Variants in GTF3C1 observed in about 807,000 individuals in gnomAD.
GTF3C1 encodes the protein general transcription factor IIIC subunit 1, also known as general transcription factor 3C polypeptide 1.
Under a neutral mutation model 226.7 loss-of-function variants are expected in GTF3C1, and 57 were observed. The observed-to-expected ratio is 0.25, with a 90% CI of 0.20 to 0.31. The LOEUF is 0.31. Among genes scored for constraint, GTF3C1 ranks in the 10% least tolerant of loss-of-function variants. The probability of loss-of-function intolerance (pLI) is 1.00; values close to 1 mark genes in which losing one functional copy is unlikely to be tolerated. For synonymous variants in GTF3C1, 1,090 were observed against 1,084.8 expected (o/e 1.00, Z -0.09); for missense variants, 2,217 against 2,776.1 (o/e 0.80, Z 4.53).
chr16:27,502,850 G>A lies in GTF3C1; in HGVS notation c.1907+9C>T, dbSNP rs1567400844. 1.9e-6 allele frequency: 3 copies of A among 1,558,838 alleles called. No individual in the cohort carries two copies. The East Asian group carries it at 7.2e-5, about 37-fold the overall frequency. On this transcript the variant is annotated intron_variant, in intron 11 of 36. Coordinates refer to ENST00000356183, the MANE Select transcript of GTF3C1 (RefSeq NM_001520.4). ...CAGCAGACAGACAGACAGACAGACA[G>A]CTCCTTACGTGAATAAACTCTCGAT...
At position 27,499,284 on chromosome 16, in the gene GTF3C1, A is replaced by C. The variant is rs141932290; in HGVS notation, c.2062-551T>G. ...CCGAGCTACTGAAGCTCAACAGTTAAGGTGGTTATCATTTCATGAGAGATA... is the reference window on the plus strand; with the variant it reads ...CCGAGCTACTGAAGCTCAACAGTTACGGTGGTTATCATTTCATGAGAGATA... On this transcript the variant is annotated intron_variant, in intron 12 of 36. Transcript: ENST00000356183. Among the ~76,000 whole-genome samples, 3 of 152,378 alleles carry C rather than the reference A, an allele frequency of 2.0e-5. No individual in the cohort carries two copies. The East Asian group carries it at 5.8e-4, about 29-fold the overall frequency.
At position 27,492,762 on chromosome 16, in the gene GTF3C1, C is replaced by T. The variant is rs374650564; in HGVS notation, c.2877-49G>A. 9.8e-6 allele frequency: 10 copies of T among 1,021,890 alleles called. No individual in the cohort carries two copies. The highest frequency in any genetic ancestry group is 7.8e-5 in the African/African-American group (5 of 63,722). The allele number at this position is 1,021,890 out of a possible 1,614,324, so 63.3% of individuals were successfully genotyped here. A position where few individuals can be genotyped will look rare whatever the true frequency, so the allele number is the denominator to read the frequency against. ...GTTCTCATCACACCACACTCGCAGCCGGCCGCAGGGGTCTGCATGTGGGGT... is the reference window on the plus strand; with the variant it reads ...GTTCTCATCACACCACACTCGCAGCTGGCCGCAGGGGTCTGCATGTGGGGT... On this transcript the variant is annotated intron_variant, in intron 17 of 36. Transcript: ENST00000356183. The surrounding 1 kb of genome is among the most constrained non-coding windows in gnomAD (Gnocchi z 5.0).
chr16:27,471,630 G>A lies in GTF3C1; in HGVS notation c.4526+118C>T. On this transcript the variant is annotated intron_variant, in intron 30 of 36. Coordinates refer to ENST00000356183, the MANE Select transcript of GTF3C1 (RefSeq NM_001520.4). This position sits in a 1 kb window ranked among gnomAD's most constrained non-coding sequence, Gnocchi z 5.0. Reference sequence around the variant, plus strand: ...ACCCAAGCCGGCATCTTGCACATGAGGCTGCGAAGGTCCCTGGCTCCTACA... The same window carrying A: ...ACCCAAGCCGGCATCTTGCACATGAAGCTGCGAAGGTCCCTGGCTCCTACA... 1 of 768,236 alleles carries A rather than the reference G, an allele frequency of 1.3e-6. No homozygotes were observed. Among genetic ancestry groups the A allele is most frequent in the Non-Finnish European group, 2.2e-6 (1 of 454,628 alleles). The allele number at this position is 768,236 out of a possible 1,614,324, so 47.6% of individuals were successfully genotyped here.
intron 32 of GTF3C1, 83 bp from the exon 33 acceptor site, chr16:27,465,623 G>T: frequency 8.9e-7 from 1 of 1,121,268 alleles, no homozygotes; most frequent in Non-Finnish European, 1.3e-6. Flanking sequence ...ACCCAGGAAA[G>T]GCATGCTCCA....
chr16:27,502,804 T>C, intron 11 of GTF3C1, 55 bp downstream of exon 11: 2 of 1,538,382 alleles, frequency 1.3e-6, no homozygotes, highest in Non-Finnish European at 1.8e-6. Flanking sequence ...GACCAACTGG[T>C]AGGAGGATTA....
At chr16:27,549,473 C>G (rs1298635176) in intron 1 of GTF3C1, among the ~76,000 whole-genome samples, 197 bp downstream of exon 1, 1 of 152,224 alleles carries the variant, frequency 6.6e-6, no homozygotes, top group Admixed American at 6.5e-5. Context: ...CCCCCTCCCC[C>G]CGCCAACTCC....
intron 17 of GTF3C1, 31 bp downstream of exon 17, chr16:27,493,168 G>C (rs369361691): frequency 8.5e-7 from 1 of 1,174,046 alleles, no homozygotes; most frequent in East Asian, 2.3e-5. Flanking sequence ...TTGGACCTGC[G>C]ACTACTCTGG....
At chr16:27,475,859 A>G (rs1414180687) in intron 29 of GTF3C1, among the ~76,000 whole-genome samples, 3 of 152,308 alleles carry the variant, frequency 2.0e-5, no homozygotes, top group African/African-American at 7.2e-5. Flanking sequence ...CGTATAGCTC[A>G]ATTACTTTCT....
At chr16:27,465,575 G>T in intron 32 of GTF3C1, 35 bp from the exon 33 acceptor site, 1 of 1,545,148 alleles carries the variant, frequency 6.5e-7, no homozygotes, top group Non-Finnish European at 8.7e-7. Flanking sequence ...GAGGCAGCCC[G>T]ACAGAGGCCC....
intron 26 of GTF3C1, among the ~76,000 whole-genome samples, chr16:27,481,403 T>G (rs1233374789): frequency 6.6e-6 from 1 of 151,910 alleles, no homozygotes; most frequent in Non-Finnish European, 1.5e-5. Flanking sequence ...ACCACTACGC[T>G]CAGGAAACTG....
intron 25 of GTF3C1, chr16:27,483,400 C>T (rs1256499473): frequency 2.1e-5 from 12 of 582,498 alleles, no homozygotes; most frequent in Non-Finnish European, 3.6e-5. Context: ...AACTGTCTCT[C>T]ACAGGGGTTT....
rs772155092 is a variant in GTF3C1 at position 27,489,056 on chromosome 16, T to C, written c.3416A>G (p.Asn1139Ser). Residue 1139 changes from asparagine to serine, a missense_variant, in exon 21 of 37, where the codon AAC (asparagine) becomes AGC (serine). Physicochemically the swap from Asn to Ser is conservative, Grantham distance 46 (BLOSUM62 1). Coordinates refer to ENST00000356183, the MANE Select transcript of GTF3C1 (RefSeq NM_001520.4). ...RNWIWTSYII[N>S]QAKKENTAAE... ...ACGCACACCCACCTTTTTGGCCTGGTTGATGATGTAGCTGGTCCAGATCCA... is the reference window on the plus strand; with the variant it reads ...ACGCACACCCACCTTTTTGGCCTGGCTGATGATGTAGCTGGTCCAGATCCA... The C allele has an allele frequency of 1.2e-6, 2 of 1,614,062 alleles. No homozygotes were observed. Among genetic ancestry groups the C allele is most frequent in the Admixed American group, 3.3e-5 (2 of 60,024 alleles).
intron 20 of GTF3C1, 98 bp downstream of exon 20, chr16:27,489,504 T>C: frequency 1.1e-6 from 1 of 936,582 alleles, no homozygotes; most frequent in Non-Finnish European, 1.6e-6. Flanking sequence ...ACAGGCCGTC[T>C]GGCCTGACAT....
intron 16 of GTF3C1, among the ~76,000 whole-genome samples, chr16:27,494,321 A>C (rs1244814165): frequency 6.6e-6 from 1 of 151,950 alleles, no homozygotes; most frequent in East Asian, 1.9e-4. Context: ...GAATGGCGTG[A>C]AACTGGGAGG....
At chr16:27,498,266 C>A (rs375484196) in intron 13 of GTF3C1, among the ~76,000 whole-genome samples, 5 of 152,298 alleles carry the variant, frequency 3.3e-5, no homozygotes, top group African/African-American at 1.2e-4. Context: ...TCTCCCTCCC[C>A]TGAGTTTTCT....
chr16:27,548,558 C>A (rs539440584), intron 1 of GTF3C1, among the ~76,000 whole-genome samples: 3 of 152,216 alleles, frequency 2.0e-5, no homozygotes, highest in Non-Finnish European at 2.9e-5. Context: ...AGCTGCTGCA[C>A]CCGGCCTGTC....
At chr16:27,466,929 T>C (rs574468033) in intron 32 of GTF3C1, among the ~76,000 whole-genome samples, 15 of 152,134 alleles carry the variant, frequency 9.9e-5, no homozygotes, top group African/African-American at 3.6e-4. Context: ...AGAAGAAAAC[T>C]TGGAAGCTAG....
intron 6 of GTF3C1, among the ~76,000 whole-genome samples, chr16:27,519,465 G>A (rs1287074901): frequency 6.6e-6 from 1 of 152,098 alleles, no homozygotes; most frequent in Non-Finnish European, 1.5e-5. Flanking sequence ...AGCTGTCCTA[G>A]GCTGGTTTTA....
chr16:27,505,033 T>C (rs2088462985), intron 10 of GTF3C1, among the ~76,000 whole-genome samples: 2 of 152,180 alleles, frequency 1.3e-5, no homozygotes, highest in African/African-American at 4.8e-5. Context: ...CCTCGTTCTC[T>C]ACTCAGTGTT....
Sources: gnomAD v4.1 joint callset for allele counts (sites outside exome capture counted in the v4.1 genomes callset) on GRCh38, gnomAD v4.1.1 for gene constraint, Gnocchi (gnomAD v3.1) non-coding constraint, MANE v1.5 for transcripts, NCBI Gene and HGNC (gene_info 2026-07-23, HGNC 2026-07-21) for gene names.